CABLES1: variants seen among roughly 807,000 people sequenced by gnomAD.
The protein encoded by CABLES1 is CDK5 and ABL1 enzyme substrate 1.
Under a neutral mutation model 57.8 loss-of-function variants are expected in CABLES1, and 36 were observed. The ratio of observed to expected loss-of-function variants is 0.62; its 90% CI spans 0.48 to 0.82. The LOEUF is 0.82. CABLES1 is among the 40% of genes least tolerant of loss of function. CABLES1 has a pLI of 0.00. For synonymous variants in CABLES1, 374 were observed against 363.0 expected, an observed-to-expected ratio of 1.03 and a Z score of -0.35; for missense variants, 767 against 836.6, an observed-to-expected ratio of 0.92 and a Z score of 1.03.
intron 1 of CABLES1, among the ~76,000 whole-genome samples, chr18:23,171,731 C>T (rs1295783390): frequency 6.6e-6 from 1 of 152,210 alleles, no homozygotes; most frequent in Admixed American, 6.5e-5. Context: ...TCCACAGCTG[C>T]TCATAGGTCA....
intron 7 of CABLES1, 85 bp downstream of exon 7, chr18:23,237,330 G>A (rs2047628276): frequency 1.1e-6 from 1 of 906,378 alleles, no homozygotes; most frequent in Non-Finnish European, 1.9e-6. Flanking sequence ...CTTGTTCAAA[G>A]ACTGCTCTGC....
rs2047609039 is a variant in CABLES1 at position 23,236,180 on chromosome 18, A to G, written c.1342+129A>G. 5 of 998,460 alleles carry G rather than the reference A, an allele frequency of 5.0e-6. No individual in the cohort carries two copies. The African/African-American group carries it at 8.1e-5, about 16-fold the overall frequency. 61.9% of individuals were successfully genotyped at this position (998,460 alleles called of 1,614,324 possible). A position where few individuals can be genotyped will look rare whatever the true frequency, so the allele number is the denominator to read the frequency against. Reference sequence around the variant, plus strand: ...TCGCAGGTGACATGACTTTTAGGAAAGCCTGATCTCAAGCCATGCAGGCCC... The same window carrying G: ...TCGCAGGTGACATGACTTTTAGGAAGGCCTGATCTCAAGCCATGCAGGCCC... On this transcript the variant is annotated intron_variant, in intron 6 of 9. Coordinates refer to ENST00000256925, the MANE Select transcript of CABLES1 (RefSeq NM_001100619.3).
At position 23,205,181 on chromosome 18, in the gene CABLES1, C is replaced by CTTTTTTT. The variant is rs34690271; in HGVS notation, c.1011-8778_1011-8772dup. Among the ~76,000 whole-genome samples the CTTTTTTT allele has an allele frequency of 7.4e-5, 6 of 81,186 alleles. 1 individual carries two copies. Among genetic ancestry groups the CTTTTTTT allele is most frequent in the Admixed American group, 3.2e-4 (2 of 6,156 alleles). The allele number at this position is 81,186 out of a possible 152,430, so 53.3% of individuals were successfully genotyped here. On this transcript the variant is annotated intron_variant, in intron 3 of 9. Coordinates refer to ENST00000256925, the MANE Select transcript of CABLES1 (RefSeq NM_001100619.3). ...AATTCCAAAAGGACTTCATTCCTGACTTTTTTTTTTTTTTTTTTTTTTTTG... is the reference window on the plus strand; with the variant it reads ...AATTCCAAAAGGACTTCATTCCTGACTTTTTTTTTTTTTTTTTTTTTTTTTTTTTTTG...
Position 23,142,579 on chromosome 18 carries a change from G to A in CABLES1, c.845+5972G>A, listed in dbSNP as rs758820614. ...GGTTGCAGTGTTATCTGTCAGTTAT[G>A]TAGAAAAGGAAATCTTGGTATTGAG... On this transcript the variant is annotated intron_variant, in intron 1 of 9. Coordinates refer to ENST00000256925, the MANE Select transcript of CABLES1 (RefSeq NM_001100619.3). Among the ~76,000 whole-genome samples, 10 of 152,336 alleles carry A rather than the reference G, an allele frequency of 6.6e-5. 1 individual carries two copies. The South Asian group carries it at 1.7e-3, about 25-fold the overall frequency.
intron 4 of CABLES1, among the ~76,000 whole-genome samples, chr18:23,219,604 G>A (rs749740383): frequency 6.6e-6 from 1 of 152,204 alleles, no homozygotes; most frequent in Non-Finnish European, 1.5e-5. Flanking sequence ...CCAGACCACT[G>A]TAGTGAGGGG....
chr18:23,235,347 G>C (rs765774160), intron 5 of CABLES1, among the ~76,000 whole-genome samples: 1 of 152,280 alleles, frequency 6.6e-6, no homozygotes, highest in Non-Finnish European at 1.5e-5. Flanking sequence ...TGTAGATAGA[G>C]CGCATGTGAG....
intron 3 of CABLES1, chr18:23,196,961 C>G (rs2047288143): frequency 6.6e-6 from 1 of 152,338 alleles, no homozygotes; most frequent in South Asian, 2.1e-4. Context: ...TGGAGGCTCC[C>G]GCGTCCCCAG....
chr18:23,248,025 A>G (rs970895183), intron 7 of CABLES1, among the ~76,000 whole-genome samples: 9 of 152,154 alleles, frequency 5.9e-5, no homozygotes, highest in African/African-American at 2.2e-4. Context: ...AGACCCCAAG[A>G]GCTAGGACAA....
At chr18:23,175,815 T>C (rs1821960166) in intron 1 of CABLES1, among the ~76,000 whole-genome samples, 1 of 152,196 alleles carries the variant, frequency 6.6e-6, no homozygotes, top group Admixed American at 6.5e-5. Context: ...CCTGCTATAC[T>C]TAAGGATTTA....
chr18:23,233,100 C>T (rs2047578127), intron 4 of CABLES1, among the ~76,000 whole-genome samples: 1 of 152,106 alleles, frequency 6.6e-6, no homozygotes, highest in Admixed American at 6.6e-5. Context: ...GACTAACAGG[C>T]ACTGGATGTC....
rs761134996 is a variant in CABLES1, at chr18:23,236,045, G to A, written c.1336G>A (p.Asp446Asn). The A allele has an allele frequency of 4.3e-6, 7 of 1,613,984 alleles. No individual in the cohort carries two copies. In the South Asian group the frequency reaches 5.5e-5, roughly 13 times the overall value. The part of the protein sequence containing the change: ...GRASGTQGSL[D>N]TGSDLGDFMD... Reference sequence around the variant, plus strand: ...GGCAAGCGGCACCCAGGGGAGCCTCGACACAGGTAACCTTGGCCTGGCTGG... The same window carrying A: ...GGCAAGCGGCACCCAGGGGAGCCTCAACACAGGTAACCTTGGCCTGGCTGG... Residue 446 changes from aspartate (D) to asparagine (N), a missense_variant, in exon 6 of 10, where the codon GAC becomes AAC. Physicochemically the swap from Asp to Asn is conservative, Grantham distance 23. Transcript: ENST00000256925.
chr18:23,190,839 G>T (rs1302150678), intron 2 of CABLES1, among the ~76,000 whole-genome samples: 1 of 152,124 alleles, frequency 6.6e-6, no homozygotes, highest in African/African-American at 2.4e-5. Context: ...ACTTGGGGAG[G>T]TGGAGGCAGG....
intron 1 of CABLES1, among the ~76,000 whole-genome samples, chr18:23,182,755 G>A (rs908047870): frequency 2.6e-5 from 4 of 152,342 alleles, no homozygotes; most frequent in Non-Finnish European, 4.4e-5. Context: ...ACTGCCTCAC[G>A]TTGTCCTTCG....
At chr18:23,246,683 A>C (rs115657779) in intron 7 of CABLES1, among the ~76,000 whole-genome samples, 3,637 of 151,284 alleles carry the variant, frequency 0.024, 66 homozygotes, top group Non-Finnish European at 0.039. Flanking sequence ...GAGCCACCGC[A>C]CCCGGCCAGT....
chr18:23,142,103 G>T (rs1338443447), intron 1 of CABLES1, among the ~76,000 whole-genome samples: 1 of 152,132 alleles, frequency 6.6e-6, no homozygotes, highest in African/African-American at 2.4e-5. Flanking sequence ...CGGTCCTGTG[G>T]CCTGCTGCAG....
chr18:23,206,117 C>T (rs1335874556), intron 3 of CABLES1, among the ~76,000 whole-genome samples: 1 of 152,168 alleles, frequency 6.6e-6, no homozygotes, highest in East Asian at 1.9e-4. Flanking sequence ...GTGAGCTTTT[C>T]TGCCCATCTG....
chr18:23,187,656 G>A (rs1355889797), intron 1 of CABLES1, among the ~76,000 whole-genome samples: 2 of 151,694 alleles, frequency 1.3e-5, no homozygotes, highest in African/African-American at 4.8e-5. Context: ...CAAAGTGCTG[G>A]GATTACAGGC....
intron 7 of CABLES1, among the ~76,000 whole-genome samples, chr18:23,247,407 A>ACACTCT (rs1175197861): frequency 1.8e-4 from 27 of 152,242 alleles, no homozygotes; most frequent in African/African-American, 6.5e-4. Context: ...GGGCTGGTGC[A>ACACTCT]GAGCAGTGGC....
chr18:23,222,546 A>G (rs1456855304), intron 4 of CABLES1, among the ~76,000 whole-genome samples: 2 of 148,288 alleles, frequency 1.3e-5, no homozygotes, highest in Non-Finnish European at 3.0e-5. Flanking sequence ...CTCTCTCTAT[A>G]TATATCTATA....
Sources: gnomAD v4.1 joint callset for allele counts (sites outside exome capture counted in the v4.1 genomes callset) on GRCh38, gnomAD v4.1.1 for gene constraint, MANE v1.5 for transcripts, NCBI Gene and HGNC (gene_info 2026-07-23, HGNC 2026-07-21) for gene names.